Variants in GALNT17 observed in about 807,000 individuals in gnomAD.
GALNT17 encodes UDP-GalNAc:polypeptide N-acetylgalactosaminyltransferase-like 3.
A neutral mutation model predicts 63.7 loss-of-function variants in GALNT17; 29 were observed. The ratio of observed to expected loss-of-function variants is 0.46; its 90% CI spans 0.34 to 0.62. The LOEUF is 0.62. Ranked by LOEUF, GALNT17 falls within the 20% of genes least tolerant of loss-of-function variation. GALNT17 has a pLI of 0.01. For synonymous variants in GALNT17, 305 were observed against 318.3 expected (o/e 0.96, Z 0.45); for missense variants, 603 against 799.6 (o/e 0.75, Z 2.97).
intron 2 of GALNT17, among the ~76,000 whole-genome samples, chr7:71,375,883 G>A (rs1583901166): frequency 6.6e-6 from 1 of 152,194 alleles, no homozygotes; most frequent in East Asian, 1.9e-4. Flanking sequence ...TTCACGACCA[G>A]CCTGAACAAC....
intron 1 of GALNT17, among the ~76,000 whole-genome samples, chr7:71,157,628 G>C (rs558603585): frequency 2.6e-5 from 4 of 151,328 alleles, no homozygotes; most frequent in African/African-American, 9.8e-5. Context: ...ACTGCTTTCC[G>C]GCCTGGGTGA....
chr7:71,200,912 G>A (rs1288060968), intron 1 of GALNT17, among the ~76,000 whole-genome samples: 4 of 151,290 alleles, frequency 2.6e-5, no homozygotes, highest in South Asian at 2.1e-4. Context: ...AATTACTTAC[G>A]TACATTTATA....
intron 6 of GALNT17, among the ~76,000 whole-genome samples, chr7:71,654,141 G>A (rs1479488655): frequency 2.0e-5 from 3 of 151,994 alleles, no homozygotes; most frequent in Non-Finnish European, 4.4e-5. Context: ...TCAGCCTTCT[G>A]ATTAGCTGGG....
At chr7:71,570,370 A>AC (rs1253489113) in intron 5 of GALNT17, among the ~76,000 whole-genome samples, 1 of 151,740 alleles carries the variant, frequency 6.6e-6, no homozygotes, top group Non-Finnish European at 1.5e-5. Flanking sequence ...TTCTCTAAAG[A>AC]CCCCACCCTG....
chr7:71,265,101 TATATA>T (rs1562957598), intron 1 of GALNT17, among the ~76,000 whole-genome samples: 3 of 54,346 alleles, frequency 5.5e-5, no homozygotes, highest in South Asian at 1.5e-3. Context: ...ATAAATATTA[TATATA>T]TATATATATA....
At chr7:71,478,625 C>T (rs1787763268) in intron 5 of GALNT17, among the ~76,000 whole-genome samples, 1 of 152,100 alleles carries the variant, frequency 6.6e-6, no homozygotes, top group Non-Finnish European at 1.5e-5. Flanking sequence ...CTGAGTCCTG[C>T]CTTTCCAAGA....
At chr7:71,600,189 C>A (rs1425478136) in intron 6 of GALNT17, among the ~76,000 whole-genome samples, 1 of 146,724 alleles carries the variant, frequency 6.8e-6, no homozygotes, top group Non-Finnish European at 1.5e-5. Context: ...AGTGTATAAG[C>A]AGATGTACAG....
intron 2 of GALNT17, among the ~76,000 whole-genome samples, chr7:71,343,208 A>C (rs1792036294): frequency 6.6e-6 from 1 of 152,222 alleles, no homozygotes; most frequent in Non-Finnish European, 1.5e-5. Context: ...AGATGTAAGG[A>C]GAGGCAGCTG....
At chr7:71,563,236 C>A (rs2116859032) in intron 5 of GALNT17, among the ~76,000 whole-genome samples, 1 of 152,330 alleles carries the variant, frequency 6.6e-6, no homozygotes, top group South Asian at 2.1e-4. Context: ...TCGCAGTTGA[C>A]TTTGAAGGAT....
chr7:71,359,765 G>A (rs1341834584), intron 2 of GALNT17, among the ~76,000 whole-genome samples: 4 of 152,056 alleles, frequency 2.6e-5, no homozygotes. Flanking sequence ...TGTGCTTTTA[G>A]TAGAGATGGG....
intron 1 of GALNT17, among the ~76,000 whole-genome samples, chr7:71,191,014 C>T (rs1377724526): frequency 6.6e-6 from 1 of 152,046 alleles, no homozygotes; most frequent in Non-Finnish European, 1.5e-5. Context: ...AAGATCCTGC[C>T]CTTGTGTTTC....
At chr7:71,385,971 G>T (rs1792935447) in intron 2 of GALNT17, among the ~76,000 whole-genome samples, 1 of 152,202 alleles carries the variant, frequency 6.6e-6, no homozygotes, top group African/African-American at 2.4e-5. Flanking sequence ...GAAGGCCGAG[G>T]CAGGCAGATC....
intron 2 of GALNT17, among the ~76,000 whole-genome samples, chr7:71,386,218 AC>A (rs1792940989): frequency 6.6e-6 from 1 of 152,238 alleles, no homozygotes; most frequent in Admixed American, 6.5e-5. Context: ...ACATATTGTA[AC>A]AAAACTTTAT....
chr7:71,266,901 G>T (rs1380213773), intron 1 of GALNT17, among the ~76,000 whole-genome samples: 1 of 152,100 alleles, frequency 6.6e-6, no homozygotes, highest in Non-Finnish European at 1.5e-5. Context: ...TAGTAAAGGA[G>T]GCTGAAGACC....
At chr7:71,582,301 G>A (rs994174119) in intron 6 of GALNT17, among the ~76,000 whole-genome samples, 2 of 151,930 alleles carry the variant, frequency 1.3e-5, no homozygotes, top group Non-Finnish European at 2.9e-5. Context: ...GTGGCCGGGT[G>A]CAGTGCCTCA....
intron 9 of GALNT17, among the ~76,000 whole-genome samples, chr7:71,700,565 C>A (rs546184372): frequency 3.3e-5 from 5 of 152,238 alleles, no homozygotes; most frequent in Admixed American, 6.5e-5. Flanking sequence ...CCAGCTCCCC[C>A]ACCTCTATAC....
chr7:71,388,183 C>G (rs1379387891), intron 2 of GALNT17, 52 bp from the exon 3 acceptor site: 4 of 1,582,546 alleles, frequency 2.5e-6, no homozygotes. Context: ...GCTGCAGTGC[C>G]TGAGCTTTTA....
At chr7:71,351,392 T>C (rs373247389) in intron 2 of GALNT17, among the ~76,000 whole-genome samples, 9 of 152,164 alleles carry the variant, frequency 5.9e-5, no homozygotes, top group South Asian at 2.1e-4. Flanking sequence ...GTTGATAATA[T>C]ACCCCCAAAT....
intron 6 of GALNT17, among the ~76,000 whole-genome samples, chr7:71,579,588 A>G (rs1789600279): frequency 1.3e-5 from 2 of 152,226 alleles, no homozygotes; most frequent in Non-Finnish European, 2.9e-5. Context: ...TAATATAGAT[A>G]AGCAAAGAAG....
Sources: allele counts gnomAD v4.1 joint callset (sites outside exome capture counted in the v4.1 genomes callset), GRCh38; gene constraint gnomAD v4.1.1; transcripts MANE v1.5; gene names NCBI Gene and HGNC (gene_info 2026-07-23, HGNC 2026-07-21).